Variants in MAGI3 observed in about 807,000 individuals in gnomAD.
MAGI3 encodes the protein membrane associated guanylate kinase, WW and PDZ domain containing 3.
Under a neutral mutation model 121.8 loss-of-function variants are expected in MAGI3, and 43 were observed. The observed-to-expected ratio is 0.35, with a 90% CI of 0.28 to 0.46. The LOEUF is 0.46. MAGI3 is among the 20% of genes least tolerant of loss of function. The pLI, the probability that MAGI3 is intolerant of heterozygous loss-of-function variation, is 1.00. For missense variants in MAGI3, 1,547 were observed against 1,797.3 expected, an observed-to-expected ratio of 0.86 and a Z score of 2.52; for synonymous variants, 553 against 639.3, an observed-to-expected ratio of 0.86 and a Z score of 2.04.
intron 1 of MAGI3, among the ~76,000 whole-genome samples, chr1:113,419,205 A>G (rs1382187951): frequency 6.6e-6 from 1 of 152,136 alleles, no homozygotes; most frequent in Admixed American, 6.6e-5. Context: ...TTTATCTTCA[A>G]TATCCACATT....
At chr1:113,571,254 A>G (rs1647277635) in intron 2 of MAGI3, among the ~76,000 whole-genome samples, 1 of 152,074 alleles carries the variant, frequency 6.6e-6, no homozygotes, top group South Asian at 2.1e-4. Flanking sequence ...TGTTCTATGT[A>G]TCGGTTTTGG....
At chr1:113,677,667 A>G (rs1647962763) in intron 19 of MAGI3, among the ~76,000 whole-genome samples, 1 of 152,134 alleles carries the variant, frequency 6.6e-6, no homozygotes, top group Non-Finnish European at 1.5e-5. Flanking sequence ...AAAAATAGTG[A>G]TTTGTTTAAA....
At chr1:113,416,365 T>C (rs1486836570) in intron 1 of MAGI3, among the ~76,000 whole-genome samples, 1 of 125,184 alleles carries the variant, frequency 8.0e-6, no homozygotes, top group Non-Finnish European at 1.6e-5. Context: ...TTAATTTATA[T>C]TATATTAATA....
chr1:113,478,747 A>C (rs1351823704), intron 1 of MAGI3, among the ~76,000 whole-genome samples: 2 of 152,318 alleles, frequency 1.3e-5, no homozygotes, highest in East Asian at 3.9e-4. Context: ...TCAGAGCTCA[A>C]ATGCTGTGCT....
At chr1:113,434,669 A>T (rs558167351) in intron 1 of MAGI3, among the ~76,000 whole-genome samples, 2 of 152,276 alleles carry the variant, frequency 1.3e-5, no homozygotes, top group African/African-American at 4.8e-5. Context: ...TTGAATTGTG[A>T]TTAAAAATTT....
intron 1 of MAGI3, among the ~76,000 whole-genome samples, chr1:113,534,200 G>A (rs1339674747): frequency 1.3e-5 from 2 of 152,142 alleles, no homozygotes; most frequent in African/African-American, 4.8e-5. Flanking sequence ...AATTTATCCT[G>A]TGCTGCTGTT....
At chr1:113,668,569 C>CTTTTTTTTTTTTTTT (rs370302032) in intron 16 of MAGI3, among the ~76,000 whole-genome samples, 1 of 94,850 alleles carries the variant, frequency 1.1e-5, no homozygotes, top group African/African-American at 4.2e-5. Context: ...AAACATGTAA[C>CTTTTTTTTTTTTTTT]TTTTTTTTTT....
chr1:113,521,714 T>G (rs1202168689), intron 1 of MAGI3, among the ~76,000 whole-genome samples: 1 of 152,152 alleles, frequency 6.6e-6, no homozygotes, highest in Non-Finnish European at 1.5e-5. Context: ...CCACAGTTAG[T>G]GCTATTCTTA....
chr1:113,508,040 A>G (rs1468301722), intron 1 of MAGI3, among the ~76,000 whole-genome samples: 1 of 152,182 alleles, frequency 6.6e-6, no homozygotes, highest in Non-Finnish European at 1.5e-5. Flanking sequence ...ATGGCCATGG[A>G]GGTATATTGC....
chr1:113,393,985 G>A (rs982945842), intron 1 of MAGI3, among the ~76,000 whole-genome samples: 4 of 152,042 alleles, frequency 2.6e-5, no homozygotes, highest in African/African-American at 7.2e-5. Flanking sequence ...AATACTAATC[G>A]GAAATGTTCT....
At chr1:113,423,922 C>T (rs1031346391) in intron 1 of MAGI3, among the ~76,000 whole-genome samples, 41 of 152,246 alleles carry the variant, frequency 2.7e-4, no homozygotes, top group African/African-American at 7.5e-4. Flanking sequence ...GGTGTGTCAG[C>T]GCCACCCCAA....
intron 1 of MAGI3, among the ~76,000 whole-genome samples, chr1:113,508,409 T>C (rs1657451098): frequency 6.6e-6 from 1 of 152,202 alleles, no homozygotes; most frequent in African/African-American, 2.4e-5. Flanking sequence ...TTTGCAGGCC[T>C]GGCTCATTTT....
intron 1 of MAGI3, among the ~76,000 whole-genome samples, chr1:113,474,532 A>G (rs1655711552): frequency 6.6e-6 from 1 of 152,086 alleles, no homozygotes; most frequent in Admixed American, 6.6e-5. Context: ...TCCTATCCCC[A>G]TTTCTTGTTT....
rs114258286 is a variant in MAGI3 at position 113,671,640 on chromosome 1, T to G, written c.2816-94T>G. On this transcript the variant is annotated intron_variant, in intron 16 of 20. Coordinates refer to ENST00000307546, the MANE Select transcript of MAGI3 (RefSeq NM_001142782.2). ...AAAGCCACTAAAGTCAGTACAGCAA[T>G]AGCCATCTGTTATTGTCTCACCTTC... 9.4e-4 allele frequency: 1,061 copies of G among 1,124,942 alleles called. 4 individuals carry two copies. The African/African-American group carries it at 0.015, about 16-fold the overall frequency. 69.7% of individuals were successfully genotyped at this position (1,124,942 alleles called of 1,614,324 possible). A position where few individuals can be genotyped will look rare whatever the true frequency, so the allele number is the denominator to read the frequency against.
Position 113,580,563 on chromosome 1 carries a change from A to T in MAGI3, c.455A>T (p.Asp152Val), listed in dbSNP as rs369330187. 1.2e-6 allele frequency: 2 copies of T among 1,610,472 alleles called. No homozygotes were observed. Among genetic ancestry groups the T allele is most frequent in the African/African-American group, 2.7e-5 (2 of 74,534 alleles). The change falls in exon 3 of 21, where the codon GAT (aspartate) becomes GTT (valine). Residue 152 changes from aspartate (D) to valine (V), a missense_variant. Coordinates refer to ENST00000307546, the MANE Select transcript of MAGI3 (RefSeq NM_001142782.2). Reference sequence around the variant, plus strand: ...TTAGGCACTACAAGGGCCCCCAGGGATGGAGAAGTACCAGGAGTGGATTAT... The same window carrying T: ...TTAGGCACTACAAGGGCCCCCAGGGTTGGAGAAGTACCAGGAGTGGATTAT... The part of the protein sequence containing the change: ...TIPCTTRAPR[D>V]GEVPGVDYNF...
At chr1:113,453,949 G>C (rs868743656) in intron 1 of MAGI3, among the ~76,000 whole-genome samples, 2 of 152,174 alleles carry the variant, frequency 1.3e-5, no homozygotes, top group Non-Finnish European at 2.9e-5. Context: ...CCATAATATA[G>C]CAAGTAGATA....
chr1:113,489,490 T>G (rs760267178), intron 1 of MAGI3, among the ~76,000 whole-genome samples: 5 of 152,122 alleles, frequency 3.3e-5, no homozygotes, highest in African/African-American at 4.8e-5. Flanking sequence ...AGTACCTTCT[T>G]TCCTCCAAAT....
At chr1:113,523,533 T>C (rs1248401465) in intron 1 of MAGI3, among the ~76,000 whole-genome samples, 5 of 152,182 alleles carry the variant, frequency 3.3e-5, no homozygotes, top group African/African-American at 1.2e-4. Flanking sequence ...CAAAGGTGAC[T>C]CTTGTTATGT....
chr1:113,627,588 A>G (rs1041586473), intron 9 of MAGI3, among the ~76,000 whole-genome samples: 5 of 148,140 alleles, frequency 3.4e-5, no homozygotes, highest in African/African-American at 9.8e-5. Flanking sequence ...TATATATCAT[A>G]TATTATATAA....
Sources: gnomAD v4.1 joint callset for allele counts (sites outside exome capture counted in the v4.1 genomes callset) on GRCh38, gnomAD v4.1.1 for gene constraint, MANE v1.5 for transcripts, NCBI Gene and HGNC (gene_info 2026-07-23, HGNC 2026-07-21) for gene names.